STXBP5L: variants seen among roughly 807,000 people sequenced by gnomAD.
STXBP5L encodes syntaxin binding protein 5L, also known as syntaxin-binding protein 5-like.
Under a neutral mutation model 144.5 loss-of-function variants are expected in STXBP5L, and 65 were observed. The observed-to-expected ratio is 0.45, with a 90% CI of 0.37 to 0.55. STXBP5L has a LOEUF of 0.55. Ranked by LOEUF, STXBP5L falls within the 20% of genes least tolerant of loss-of-function variation. The pLI is 0.00. For synonymous variants in STXBP5L, 505 were observed against 469.6 expected (o/e 1.08, Z -0.97); for missense variants, 1,298 against 1,405.5 (o/e 0.92, Z 1.22).
intron 9 of STXBP5L, among the ~76,000 whole-genome samples, chr3:121,174,934 G>A (rs1271869868): frequency 6.6e-6 from 1 of 152,000 alleles, no homozygotes; most frequent in East Asian, 1.9e-4. Context: ...CTGGGGAAAG[G>A]GAACAGGAAA....
intron 3 of STXBP5L, among the ~76,000 whole-genome samples, chr3:121,024,169 G>A (rs617721): frequency 0.23 from 35,332 of 152,016 alleles, 4,231 homozygotes; most frequent in Non-Finnish European, 0.26. Context: ...TGCAAAACAT[G>A]TATCTAAAAA....
intron 7 of STXBP5L, among the ~76,000 whole-genome samples, chr3:121,137,115 A>G (rs73191410): frequency 0.036 from 5,409 of 152,142 alleles, 148 homozygotes; most frequent in Middle Eastern, 0.082. Context: ...TTGAAAAACT[A>G]CCTATCAAGT....
chr3:121,342,099 C>G (rs940707539), intron 20 of STXBP5L, among the ~76,000 whole-genome samples: 5 of 151,730 alleles, frequency 3.3e-5, no homozygotes, highest in Non-Finnish European at 7.4e-5. Context: ...GTCATGTACC[C>G]CATAAATATA....
At chr3:120,977,706 T>C (rs1010293041) in intron 3 of STXBP5L, among the ~76,000 whole-genome samples, 21 of 152,212 alleles carry the variant, frequency 1.4e-4, no homozygotes, top group Admixed American at 3.9e-4. Flanking sequence ...CCATGTTTAG[T>C]GCTTCCTTCA....
intron 2 of STXBP5L, among the ~76,000 whole-genome samples, chr3:120,912,612 T>TC (rs1246735632): frequency 6.7e-6 from 1 of 148,760 alleles, no homozygotes; most frequent in African/African-American, 2.5e-5. Flanking sequence ...AAACTTTGGT[T>TC]CAAGGTCAGC....
chr3:121,209,306 C>A (rs911754038), intron 10 of STXBP5L, among the ~76,000 whole-genome samples: 3 of 152,142 alleles, frequency 2.0e-5, no homozygotes, highest in African/African-American at 4.8e-5. Context: ...ATTGCTCGGT[C>A]AAATGGTATT....
intron 22 of STXBP5L, among the ~76,000 whole-genome samples, chr3:121,388,999 A>G (rs2046503070): frequency 6.6e-6 from 1 of 152,184 alleles, no homozygotes; most frequent in African/African-American, 2.4e-5. Flanking sequence ...GGTAGAATAC[A>G]GCTATGAATC....
At chr3:121,379,201 A>C (rs1193947441) in intron 21 of STXBP5L, among the ~76,000 whole-genome samples, 1 of 152,140 alleles carries the variant, frequency 6.6e-6, no homozygotes, top group Non-Finnish European at 1.5e-5. Flanking sequence ...TCCCAATGGT[A>C]AGCTTTTTGG....
intron 20 of STXBP5L, among the ~76,000 whole-genome samples, chr3:121,330,502 G>A (rs1030230404): frequency 1.3e-5 from 2 of 152,114 alleles, no homozygotes; most frequent in Non-Finnish European, 2.9e-5. Flanking sequence ...TTAACACAAA[G>A]GACAGAAACT....
At chr3:121,198,332 GT>G (rs900034082) in intron 9 of STXBP5L, among the ~76,000 whole-genome samples, 5 of 149,576 alleles carry the variant, frequency 3.3e-5, no homozygotes, top group East Asian at 3.9e-4. Context: ...CTTTTTGATG[GT>G]TTTTTTTTCT....
chr3:121,382,743 A>T (rs949441473), intron 22 of STXBP5L, among the ~76,000 whole-genome samples: 1 of 152,132 alleles, frequency 6.6e-6, no homozygotes, highest in Admixed American at 6.6e-5. Flanking sequence ...GAAATAAGCA[A>T]TCCCTGGACT....
chr3:121,419,123 G>C lies in STXBP5L; in HGVS notation c.*26G>C. Reference sequence around the variant, plus strand: ...CTTCTAAAGAAGCTGTGACTGCTTTGAGAAACCATATTCAGGGAAACCAAA... The same window carrying C: ...CTTCTAAAGAAGCTGTGACTGCTTTCAGAAACCATATTCAGGGAAACCAAA... On this transcript the variant is annotated 3_prime_UTR_variant, in exon 27 of 27. Transcript: ENST00000471454. The C allele has an allele frequency of 6.2e-7, 1 of 1,606,396 alleles. No homozygotes were observed. The highest frequency in any genetic ancestry group is 1.7e-5 in the Admixed American group (1 of 58,638).
intron 3 of STXBP5L, among the ~76,000 whole-genome samples, chr3:120,983,458 G>T (rs1941996424): frequency 6.6e-6 from 1 of 152,126 alleles, no homozygotes; most frequent in Non-Finnish European, 1.5e-5. Context: ...TGGCCTTGTG[G>T]CTGGGGCAGT....
intron 20 of STXBP5L, among the ~76,000 whole-genome samples, chr3:121,340,901 A>C (rs1490367134): frequency 6.6e-6 from 1 of 152,158 alleles, no homozygotes; most frequent in Non-Finnish European, 1.5e-5. Flanking sequence ...TCTCTTTGCT[A>C]GCTTGTTTAT....
chr3:121,089,462 T>C (rs531460136), intron 5 of STXBP5L, among the ~76,000 whole-genome samples: 5 of 151,962 alleles, frequency 3.3e-5, no homozygotes, highest in Non-Finnish European at 7.4e-5. Context: ...TGATGAGAAA[T>C]CTACTGTCAT....
intron 20 of STXBP5L, among the ~76,000 whole-genome samples, chr3:121,369,584 T>C (rs1213198812): frequency 6.6e-6 from 1 of 152,184 alleles, no homozygotes; most frequent in Admixed American, 6.5e-5. Flanking sequence ...TCTTTGATTT[T>C]TTTTTCATGT....
rs72968042 is a variant in STXBP5L, at chr3:121,269,225, T to C, written c.1958+10057T>C. 2.5e-3 allele frequency among the ~76,000 whole-genome samples: 381 copies of C among 151,832 alleles called. 2 individuals are homozygous for C. The highest frequency in any genetic ancestry group is 8.7e-3 in the African/African-American group (358 of 41,152). On this transcript the variant is annotated intron_variant, in intron 18 of 26. Transcript: ENST00000471454. ...AAATCCTGGTTGGCCGAAGTCTAAC[T>C]AGGAAAATAATTTTCAAGGATTAAT...
chr3:121,385,937 T>A lies in STXBP5L; in HGVS notation c.2587+4405T>A, dbSNP rs1298380143. Among the ~76,000 whole-genome samples the A allele has an allele frequency of 3.3e-5, 5 of 152,172 alleles. No individual in the cohort carries two copies. The East Asian group carries it at 9.6e-4, about 29-fold the overall frequency. Reference sequence around the variant, plus strand: ...CTGGTTAATAGGCTTTGTCTGGAAATTATTTAATTGAAATTAGAATGATAT... The same window carrying A: ...CTGGTTAATAGGCTTTGTCTGGAAAATATTTAATTGAAATTAGAATGATAT... On this transcript the variant is annotated intron_variant, in intron 22 of 26. Transcript: ENST00000471454.
At chr3:121,216,439 C>T (rs1231102875) in intron 10 of STXBP5L, among the ~76,000 whole-genome samples, 1 of 152,140 alleles carries the variant, frequency 6.6e-6, no homozygotes, top group Non-Finnish European at 1.5e-5. Flanking sequence ...CAGTCAGGCC[C>T]CTCTGCTGCA....
Sources: gnomAD v4.1 joint callset for allele counts (sites outside exome capture counted in the v4.1 genomes callset) on GRCh38, gnomAD v4.1.1 for gene constraint, MANE v1.5 for transcripts, NCBI Gene and HGNC (gene_info 2026-07-23, HGNC 2026-07-21) for gene names.